The following MDGA2 variants were observed in gnomAD, a reference collection of about 807,000 sequenced individuals.
MDGA2 encodes MAM domain containing glycosylphosphatidylinositol anchor 2, also known as MAM domain-containing glycosylphosphatidylinositol anchor protein 2.
A neutral mutation model predicts 117.8 loss-of-function variants in MDGA2; 40 were observed. The ratio of observed to expected loss-of-function variants is 0.34; its 90% CI spans 0.26 to 0.44. The LOEUF is 0.44. Ranked by LOEUF, MDGA2 falls within the 20% of genes least tolerant of loss-of-function variation. The pLI, the probability that MDGA2 is intolerant of heterozygous loss-of-function variation, is 1.00. For synonymous variants in MDGA2, 452 were observed against 439.0 expected, an observed-to-expected ratio of 1.03 and a Z score of -0.37; for missense variants, 1,123 against 1,250.6, an observed-to-expected ratio of 0.90 and a Z score of 1.54.
intron 10 of MDGA2, among the ~76,000 whole-genome samples, chr14:46,895,176 T>C (rs1439244470): frequency 6.6e-6 from 1 of 152,090 alleles, no homozygotes; most frequent in Non-Finnish European, 1.5e-5. Context: ...AATCTTCACG[T>C]GGTGTGGGAG....
rs1439109537 is a variant in MDGA2, at chr14:47,131,780, C to T, written c.859G>A (p.Ala287Thr). ...PQDYANYSCI[A>T]SVRNVCNIPD... is the part of the protein sequence containing the mutation. ...ATATTACATACATTCCTCACTGAAG[C>T]AATGCAGCTATAATTAGCATAGTCC... Residue 287 changes from alanine (A) to threonine (T), a missense_variant, in exon 5 of 17, where the codon GCT (alanine) becomes ACT (threonine). By Grantham distance (58) the Ala-to-Thr change is moderately conservative. Around this residue, in one of 2 missense-constraint regions of MDGA2, gnomAD observed 890 missense variants for 1,050.3 expected, o/e 0.85. Transcript: ENST00000399232. The T allele has an allele frequency of 1.3e-6, 2 of 1,593,378 alleles. No individual in the cohort carries two copies. The highest frequency in any genetic ancestry group is 1.3e-5 in the African/African-American group (1 of 74,664).
intron 1 of MDGA2, among the ~76,000 whole-genome samples, chr14:47,424,014 T>C (rs143121872): frequency 0.014 from 2,078 of 152,190 alleles, 23 homozygotes; most frequent in Non-Finnish European, 0.023. Flanking sequence ...GGTTTCACCA[T>C]GTTGGCCAGG....
Position 47,226,686 on chromosome 14 carries a change from T to A in MDGA2, c.421-8491A>T, listed in dbSNP as rs145985482. Among the ~76,000 whole-genome samples the A allele has an allele frequency of 2.0e-3, 303 of 152,260 alleles. 2 individuals carry two copies. Among genetic ancestry groups the A allele is most frequent in the African/African-American group, 6.8e-3 (283 of 41,554 alleles). On this transcript the variant is annotated intron_variant, in intron 2 of 16. Transcript: ENST00000399232. The stretch of plus-strand genomic sequence containing the variant: ...ATGCTGGAAATGAATGCAATCATCA[T>A]AGAGAAGTTTGATTTTGTCGCACTG...
At chr14:47,155,885 C>T (rs940445942) in intron 3 of MDGA2, among the ~76,000 whole-genome samples, 46 of 80,378 alleles carry the variant, frequency 5.7e-4, no homozygotes, top group Non-Finnish European at 9.6e-4. Context: ...TCTTCTTCTT[C>T]TTCTTTTTTT....
chr14:47,128,093 C>T (rs958484020), intron 5 of MDGA2, among the ~76,000 whole-genome samples: 1 of 152,082 alleles, frequency 6.6e-6, no homozygotes, highest in African/African-American at 2.4e-5. Context: ...ACATCTACAA[C>T]ATAAAAATAT....
intron 6 of MDGA2, among the ~76,000 whole-genome samples, chr14:47,062,575 T>C (rs1489982326): frequency 1.3e-5 from 2 of 151,672 alleles, no homozygotes; most frequent in Non-Finnish European, 2.9e-5. Context: ...AAATGTGGCA[T>C]ACACAGTGAA....
Position 46,874,110 on chromosome 14 carries a change from G to A in MDGA2, c.2528C>T (p.Ala843Val). The change falls in exon 13 of 17, where the codon GCA (alanine) becomes GTA (valine). Residue 843 changes from alanine (A) to valine (V), a missense_variant. Physicochemically the swap from Ala to Val is moderately conservative, Grantham distance 64 (BLOSUM62 0). This residue lies in a region of MDGA2 where 890 missense variants were observed against 1,050.3 expected (regional missense o/e 0.85). Transcript: ENST00000399232. ...AGGAGTATATTTTGTATTTCTTGTT[G>A]CTGTACTTTGCTTTGTCCAGTCAAA... ...DNFDWTKQST[A>V]TRNTKYTPNT... is the part of the protein sequence containing the mutation. 1 of 1,555,204 alleles carries A rather than the reference G, an allele frequency of 6.4e-7. No homozygotes were observed.
At chr14:47,378,909 T>C (rs1460207508) in intron 1 of MDGA2, among the ~76,000 whole-genome samples, 1 of 151,950 alleles carries the variant, frequency 6.6e-6, no homozygotes, top group Non-Finnish European at 1.5e-5. Flanking sequence ...CCAAGACACA[T>C]AATTGTCAGA....
chr14:47,113,316 A>G (rs1405651378), intron 5 of MDGA2, among the ~76,000 whole-genome samples: 2 of 152,010 alleles, frequency 1.3e-5, no homozygotes, highest in Non-Finnish European at 2.9e-5. Context: ...ATAGCCTACC[A>G]ACAACAACAA....
In MDGA2 at chr14:47,061,371, G is replaced by A; in HGVS notation, c.1403C>T (p.Thr468Ile). Reference sequence around the variant, plus strand: ...TAAATCAATGATGTCCAAGTTTGTTGTTCCCGGAGAGACATCAGGATCAGT... The same window carrying A: ...TAAATCAATGATGTCCAAGTTTGTTATTCCCGGAGAGACATCAGGATCAGT... Reference protein sequence around the residue: ...TQTDPDVSPGTTNLDIIDLKF... With the variant: ...TQTDPDVSPGITNLDIIDLKF... The change falls in exon 7 of 17, where the codon ACA (threonine) becomes ATA (isoleucine). Residue 468 changes from threonine (T) to isoleucine (I), a missense_variant. Physicochemically the swap from Thr to Ile is moderately conservative, Grantham distance 89. Coordinates refer to ENST00000399232, the MANE Select transcript of MDGA2 (RefSeq NM_001113498.3). 1 of 1,613,592 alleles carries A rather than the reference G, an allele frequency of 6.2e-7. No individual in the cohort carries two copies. Among genetic ancestry groups the A allele is most frequent in the Non-Finnish European group, 8.5e-7 (1 of 1,179,668 alleles).
chr14:47,407,303 A>C (rs1323946890), intron 1 of MDGA2, among the ~76,000 whole-genome samples: 2 of 152,174 alleles, frequency 1.3e-5, no homozygotes, highest in Non-Finnish European at 2.9e-5. Context: ...CCTAATCTAC[A>C]TTCAGTATAA....
chr14:46,984,685 G>A (rs900882997), intron 8 of MDGA2, among the ~76,000 whole-genome samples: 10 of 151,820 alleles, frequency 6.6e-5, no homozygotes, highest in Non-Finnish European at 1.5e-4. Flanking sequence ...GATGTGTTCT[G>A]GTAATCATAT....
intron 1 of MDGA2, among the ~76,000 whole-genome samples, chr14:47,598,219 T>C (rs1355439594): frequency 6.6e-6 from 1 of 152,198 alleles, no homozygotes; most frequent in Non-Finnish European, 1.5e-5. Flanking sequence ...TTATGTATTG[T>C]TGATGAAAAC....
At chr14:47,499,402 T>C (rs1291448523) in intron 1 of MDGA2, among the ~76,000 whole-genome samples, 3 of 152,262 alleles carry the variant, frequency 2.0e-5, no homozygotes, top group East Asian at 3.9e-4. Flanking sequence ...TATGCAAATA[T>C]AGTTCTTTCT....
chr14:47,607,743 G>T (rs1896767664), intron 1 of MDGA2, among the ~76,000 whole-genome samples: 1 of 151,948 alleles, frequency 6.6e-6, no homozygotes. Flanking sequence ...AGGCCAGAGG[G>T]GATATGGGAT....
At chr14:47,515,412 A>T (rs925034997) in intron 1 of MDGA2, among the ~76,000 whole-genome samples, 5 of 152,184 alleles carry the variant, frequency 3.3e-5, no homozygotes, top group African/African-American at 1.2e-4. Flanking sequence ...TCGCATGTTG[A>T]CATCACTGCA....
chr14:46,887,039 C>G (rs1036296209), intron 10 of MDGA2, among the ~76,000 whole-genome samples: 2 of 152,010 alleles, frequency 1.3e-5, no homozygotes, highest in African/African-American at 2.4e-5. Flanking sequence ...AATTTGGACA[C>G]AAATAATCCA....
chr14:46,897,075 A>T, intron 10 of MDGA2, among the ~76,000 whole-genome samples: 1 of 152,166 alleles, frequency 6.6e-6, no homozygotes, highest in Non-Finnish European at 1.5e-5. Context: ...TCGATAATTG[A>T]ACCAATCAAT....
intron 1 of MDGA2, among the ~76,000 whole-genome samples, chr14:47,442,821 C>G (rs1893040694): frequency 6.6e-6 from 1 of 152,076 alleles, no homozygotes; most frequent in African/African-American, 2.4e-5. Context: ...AGGAAACTTC[C>G]AGAAATAACT....
Sources: allele counts gnomAD v4.1 joint callset (sites outside exome capture counted in the v4.1 genomes callset), GRCh38; gene constraint gnomAD v4.1.1; regional missense constraint gnomAD v4.1.1; transcripts MANE v1.5; gene names NCBI Gene and HGNC (gene_info 2026-07-23, HGNC 2026-07-21).